The following SNX30 variants were observed in gnomAD, a reference collection of about 807,000 sequenced individuals.
SNX30 encodes sorting nexin-30.
Under a neutral mutation model 46.4 loss-of-function variants are expected in SNX30, and 24 were observed. That is an observed-to-expected ratio of 0.52 (90% CI 0.37 to 0.73). SNX30 has a LOEUF of 0.73. Among genes scored for constraint, SNX30 ranks in the 30% least tolerant of loss-of-function variants. SNX30 has a pLI of 0.00. For missense variants in SNX30, 533 were observed against 555.7 expected (o/e 0.96, Z 0.41); for synonymous variants, 189 against 211.5 (o/e 0.89, Z 0.92).
intron 3 of SNX30, among the ~76,000 whole-genome samples, chr9:112,819,974 T>G (rs1840467461): frequency 6.6e-6 from 1 of 152,226 alleles, no homozygotes; most frequent in Admixed American, 6.5e-5. Context: ...AGTCACTGTT[T>G]ATTTATAGCC....
At chr9:112,784,699 G>C (rs551075783) in intron 1 of SNX30, among the ~76,000 whole-genome samples, 5 of 152,254 alleles carry the variant, frequency 3.3e-5, no homozygotes, top group African/African-American at 1.2e-4. Flanking sequence ...TCCAGTGAAC[G>C]TCAGTAGGTT....
At chr9:112,834,239 A>G (rs1404995750) in intron 4 of SNX30, among the ~76,000 whole-genome samples, 9 of 152,016 alleles carry the variant, frequency 5.9e-5, no homozygotes, top group Non-Finnish European at 1.3e-4. Flanking sequence ...TAATTTGCAC[A>G]TTATTTGCCT....
At chr9:112,845,571 G>A (rs1235743373) in intron 6 of SNX30, among the ~76,000 whole-genome samples, 1 of 152,218 alleles carries the variant, frequency 6.6e-6, no homozygotes, top group Non-Finnish European at 1.5e-5. Context: ...AGGCACACTT[G>A]AGGGTGTTCA....
At chr9:112,768,972 T>G (rs1209891991) in intron 1 of SNX30, among the ~76,000 whole-genome samples, 1 of 152,032 alleles carries the variant, frequency 6.6e-6, no homozygotes, top group Non-Finnish European at 1.5e-5. Context: ...CAGCCAAGAT[T>G]GAGATCAGTT....
At chr9:112,884,585 T>C (rs1270363531), downstream of SNX30, among the ~76,000 whole-genome samples, 1 of 152,234 alleles carries the variant, frequency 6.6e-6, no homozygotes. Flanking sequence ...CGCAGATTAA[T>C]TGAGTCAGAA....
chr9:112,846,229 C>T, intron 6 of SNX30, among the ~76,000 whole-genome samples: 1 of 152,124 alleles, frequency 6.6e-6, no homozygotes, highest in East Asian at 1.9e-4. Flanking sequence ...TCAAAGAAGC[C>T]ATTCAAGGAA....
intron 1 of SNX30, among the ~76,000 whole-genome samples, chr9:112,770,865 G>T (rs1179500666): frequency 6.6e-6 from 1 of 152,078 alleles, no homozygotes; most frequent in Non-Finnish European, 1.5e-5. Flanking sequence ...GCGTGGTGGC[G>T]CGTGCCTGTA....
At chr9:112,883,042 CATATG>C (rs1487081620), downstream of SNX30, among the ~76,000 whole-genome samples, 3 of 152,176 alleles carry the variant, frequency 2.0e-5, no homozygotes, top group East Asian at 5.8e-4. Context: ...GCCAAGAAAT[CATATG>C]AGATGAAGGT....
intron 3 of SNX30, among the ~76,000 whole-genome samples, chr9:112,820,941 T>G (rs1319782935): frequency 6.6e-6 from 1 of 152,242 alleles, no homozygotes; most frequent in African/African-American, 2.4e-5. Context: ...TGATGGACGT[T>G]TTGGTTGTTT....
At chr9:112,855,900 G>A (rs181538241) in intron 7 of SNX30, among the ~76,000 whole-genome samples, 5 of 152,120 alleles carry the variant, frequency 3.3e-5, no homozygotes, top group African/African-American at 7.2e-5. Context: ...AATCTAACCC[G>A]CCATGGAAGG....
intron 6 of SNX30, among the ~76,000 whole-genome samples, chr9:112,847,871 T>C (rs1452714046): frequency 5.9e-5 from 9 of 152,332 alleles, no homozygotes; most frequent in Non-Finnish European, 1.5e-5. Context: ...GGTACTTTCC[T>C]TCCATTCCTG....
At position 112,804,126 on chromosome 9, in the gene SNX30, G is replaced by A. The variant is rs201390411; in HGVS notation, c.157-650G>A. 1.2e-4 allele frequency among the ~76,000 whole-genome samples: 18 copies of A among 151,634 alleles called. 1 individual carries two copies. In the East Asian group the frequency reaches 3.5e-3, roughly 29 times the overall value. On this transcript the variant is annotated intron_variant, in intron 1 of 8. Coordinates refer to ENST00000374232, the MANE Select transcript of SNX30 (RefSeq NM_001012994.2). ...TCGCTCACGCTGGGAGCTGTAGACC[G>A]GAGCTGTTCCTATTCGGCCATCTTG...
intron 1 of SNX30, among the ~76,000 whole-genome samples, chr9:112,759,727 C>CAAA (rs57320231): frequency 7.3e-6 from 1 of 137,508 alleles, no homozygotes. Context: ...GACTCCATCT[C>CAAA]AAAAAAAAAA....
In SNX30 at chr9:112,764,232, G is replaced by A. The variant is rs146931393; in HGVS notation, c.156+13075G>A. Among the ~76,000 whole-genome samples, 508 of 152,336 alleles carry A rather than the reference G, an allele frequency of 3.3e-3. 2 individuals carry two copies. Among genetic ancestry groups the A allele is most frequent in the African/African-American group, 0.012 (484 of 41,572 alleles). On this transcript the variant is annotated intron_variant, in intron 1 of 8. Coordinates refer to ENST00000374232, the MANE Select transcript of SNX30 (RefSeq NM_001012994.2). The stretch of plus-strand genomic sequence containing the variant: ...AAGAACCAGCACATACTAAAGCTTA[G>A]CAGTGTCAAGTGATGCACGCACAGC...
intron 1 of SNX30, among the ~76,000 whole-genome samples, chr9:112,777,234 T>C (rs787279): frequency 0.87 from 132,649 of 152,002 alleles, 58,079 homozygotes; most frequent in Middle Eastern, 0.91. Context: ...TGGGTTTATT[T>C]TTATTTTTAT....
rs570555530 is a variant in SNX30 at position 112,779,948 on chromosome 9, A to C, written c.157-24828A>C. ...CGACAGGCTGTCACTGTACCCCACC[A>C]ATGCTTTTGACATGTGCTCATCTCA... On this transcript the variant is annotated intron_variant, in intron 1 of 8. Transcript: ENST00000374232. Among the ~76,000 whole-genome samples the C allele has an allele frequency of 4.3e-4, 66 of 152,272 alleles. No individual in the cohort carries two copies. The Middle Eastern group carries it at 0.01, about 24-fold the overall frequency.
At chr9:112,809,152 C>A (rs971517196) in intron 2 of SNX30, among the ~76,000 whole-genome samples, 1 of 150,394 alleles carries the variant, frequency 6.6e-6, no homozygotes, top group Non-Finnish European at 1.5e-5. Context: ...AGTGGTATGA[C>A]CTCAGCTCAC....
intron 3 of SNX30, among the ~76,000 whole-genome samples, chr9:112,822,645 C>T (rs1269228261): frequency 6.6e-6 from 1 of 151,040 alleles, no homozygotes; most frequent in Non-Finnish European, 1.5e-5. Context: ...GCATGCAACA[C>T]CATACAGTCA....
intron 8 of SNX30, among the ~76,000 whole-genome samples, chr9:112,867,500 ACTC>A (rs1841380324): frequency 6.8e-6 from 1 of 146,000 alleles, no homozygotes; most frequent in South Asian, 2.2e-4. Flanking sequence ...CCTCCTCAGA[ACTC>A]CTCCTCCTTC....
Sources: gnomAD v4.1 joint callset for allele counts (sites outside exome capture counted in the v4.1 genomes callset) on GRCh38, gnomAD v4.1.1 for gene constraint, MANE v1.5 for transcripts, NCBI Gene and HGNC (gene_info 2026-07-23, HGNC 2026-07-21) for gene names.